The following GRIK2 variants were observed in gnomAD, a reference collection of about 807,000 sequenced individuals.
GRIK2 encodes glutamate ionotropic receptor kainate type subunit 2.
In GRIK2, 32 loss-of-function variants were observed where a neutral mutation model predicts 100.3. The ratio of observed to expected loss-of-function variants is 0.32; its 90% CI spans 0.24 to 0.43. The LOEUF (loss-of-function observed/expected upper bound fraction) is 0.43, where lower values mean the gene tolerates loss of function less well. GRIK2 is among the 20% of genes least tolerant of loss of function. The probability of loss-of-function intolerance (pLI) is 1.00; values close to 1 mark genes in which losing one functional copy is unlikely to be tolerated. For missense variants in GRIK2, 843 were observed against 1,114.9 expected, an observed-to-expected ratio of 0.76 and a Z score of 3.47; for synonymous variants, 417 against 389.4, an observed-to-expected ratio of 1.07 and a Z score of -0.83.
intron 10 of GRIK2, among the ~76,000 whole-genome samples, chr6:101,830,586 A>T (rs1782613852): frequency 1.3e-5 from 2 of 152,040 alleles, no homozygotes; most frequent in South Asian, 4.1e-4. Flanking sequence ...AAGACATACA[A>T]GAAGCCAACA....
intron 4 of GRIK2, among the ~76,000 whole-genome samples, chr6:101,650,161 A>G (rs1781719109): frequency 6.6e-6 from 1 of 152,098 alleles, no homozygotes; most frequent in Non-Finnish European, 1.5e-5. Flanking sequence ...AGCACATAGG[A>G]TTTTTCTGAC....
chr6:101,933,588 A>G (rs1162739696), intron 14 of GRIK2, among the ~76,000 whole-genome samples: 1 of 151,852 alleles, frequency 6.6e-6, no homozygotes, highest in Non-Finnish European at 1.5e-5. Context: ...CCAAATGATG[A>G]TTTGATTATT....
chr6:101,718,239 T>A (rs1774205278), intron 7 of GRIK2, among the ~76,000 whole-genome samples: 1 of 151,834 alleles, frequency 6.6e-6, no homozygotes, highest in South Asian at 2.1e-4. Flanking sequence ...GAAATCATAT[T>A]GGCTGTTTTC....
At chr6:101,886,114 G>A (rs902508658) in intron 11 of GRIK2, among the ~76,000 whole-genome samples, 5 of 151,972 alleles carry the variant, frequency 3.3e-5, no homozygotes, top group Non-Finnish European at 7.4e-5. Flanking sequence ...ATCTTTTACT[G>A]TCTCTATAAT....
rs184775830 is a variant in GRIK2 at position 101,676,850 on chromosome 6, A to T, written c.723+46A>T. 3,952 of 1,087,608 alleles carry T rather than the reference A, an allele frequency of 3.6e-3. 16 individuals are homozygous for T. Among genetic ancestry groups the T allele is most frequent in the Non-Finnish European group, 4.7e-3 (3,470 of 734,726 alleles). The allele number at this position is 1,087,608 out of a possible 1,614,324, so 67.4% of individuals were successfully genotyped here. ...ATTCTTGTTTTCTTCATAAACTTGCACTTACAATATGATCTTCTTTTAAAT... is the reference window on the plus strand; with the variant it reads ...ATTCTTGTTTTCTTCATAAACTTGCTCTTACAATATGATCTTCTTTTAAAT... On this transcript the variant is annotated intron_variant, in intron 5 of 16. Coordinates refer to ENST00000369134, the MANE Select transcript of GRIK2 (RefSeq NM_021956.5).
intron 10 of GRIK2, among the ~76,000 whole-genome samples, chr6:101,820,095 T>C (rs1032678461): frequency 1.3e-5 from 2 of 152,228 alleles, no homozygotes; most frequent in Admixed American, 1.3e-4. Flanking sequence ...TACATAGTTT[T>C]GTGAATGCTC....
At chr6:101,742,116 T>G (rs1776069146) in intron 7 of GRIK2, among the ~76,000 whole-genome samples, 1 of 152,246 alleles carries the variant, frequency 6.6e-6, no homozygotes, top group African/African-American at 2.4e-5. Flanking sequence ...TATCAGAATA[T>G]ACTTTTTTCT....
At chr6:101,837,035 T>C (rs1393893829) in intron 10 of GRIK2, among the ~76,000 whole-genome samples, 1 of 152,142 alleles carries the variant, frequency 6.6e-6, no homozygotes, top group East Asian at 1.9e-4. Context: ...AGAAACTCAG[T>C]TCCTTCAGTC....
intron 14 of GRIK2, among the ~76,000 whole-genome samples, chr6:102,027,512 A>G (rs1045739755): frequency 6.6e-6 from 1 of 151,234 alleles, no homozygotes; most frequent in South Asian, 2.1e-4. Context: ...AATATTATGT[A>G]TAACAAAACA....
chr6:101,464,969 C>T (rs1341937055), intron 2 of GRIK2, among the ~76,000 whole-genome samples: 1 of 152,156 alleles, frequency 6.6e-6, no homozygotes, highest in Non-Finnish European at 1.5e-5. Context: ...GATAACAGGA[C>T]TCCTGAGCTC....
At chr6:101,809,668 G>C (rs893692848) in intron 9 of GRIK2, among the ~76,000 whole-genome samples, 4 of 151,990 alleles carry the variant, frequency 2.6e-5, no homozygotes, top group African/African-American at 9.7e-5. Flanking sequence ...TTTTAATGGT[G>C]ATGTTAACTC....
chr6:101,559,371 C>A (rs367764150), intron 2 of GRIK2, among the ~76,000 whole-genome samples: 218 of 152,192 alleles, frequency 1.4e-3, no homozygotes, highest in African/African-American at 5.1e-3. Flanking sequence ...AATCTTGTAA[C>A]AACCTATGTT....
In GRIK2 at chr6:101,604,472, C is replaced by T. The variant is rs112746810; in HGVS notation, c.116-17477C>T. Among the ~76,000 whole-genome samples the T allele has an allele frequency of 1.9e-3, 290 of 151,830 alleles. 2 individuals are homozygous for T. The highest frequency in any genetic ancestry group is 6.5e-3 in the African/African-American group (271 of 41,500). On this transcript the variant is annotated intron_variant, in intron 2 of 16. Coordinates refer to ENST00000369134, the MANE Select transcript of GRIK2 (RefSeq NM_021956.5). ...GACAGAAATAAAGAACAAGGCAAGA[C>T]GATCTATAATTAAGTGATGAATGCC...
chr6:101,968,146 C>A (rs978214887), intron 14 of GRIK2, among the ~76,000 whole-genome samples: 5 of 151,826 alleles, frequency 3.3e-5, no homozygotes, highest in South Asian at 2.1e-4. Context: ...TAAAAAAAAA[C>A]CATGCATCTT....
At chr6:101,613,105 A>G (rs1165165094) in intron 2 of GRIK2, among the ~76,000 whole-genome samples, 1 of 151,772 alleles carries the variant, frequency 6.6e-6, no homozygotes, top group Non-Finnish European at 1.5e-5. Flanking sequence ...TCCAGTGGAG[A>G]TGCATTGTTG....
Position 102,055,335 on chromosome 6 carries a change from C to G in GRIK2, c.2317C>G (p.Pro773Ala), listed in dbSNP as rs745609694. The change falls in exon 16 of 17, where the codon CCA (proline) becomes GCA (alanine). Residue 773 changes from proline to alanine, a missense_variant. Coordinates refer to ENST00000369134, the MANE Select transcript of GRIK2 (RefSeq NM_021956.5). ...GYGVGTPMGSPYRDKITIAIL... is the reference protein window; with the variant it reads ...GYGVGTPMGSAYRDKITIAIL... ...CATAACCTCTCCTTTCTTAGGTTCT[C>G]CATATCGAGACAAAATTACCATAGC... The G allele has an allele frequency of 6.2e-7, 1 of 1,609,056 alleles. No individual in the cohort carries two copies. The highest frequency in any genetic ancestry group is 8.5e-7 in the Non-Finnish European group (1 of 1,175,794).
rs145901820 is a variant in GRIK2, at chr6:101,870,642, G to C, written c.1524+11149G>C. Among the ~76,000 whole-genome samples, 1,220 of 151,700 alleles carry C rather than the reference G, an allele frequency of 8.0e-3. 31 individuals carry two copies. The highest frequency in any genetic ancestry group is 0.028 in the African/African-American group (1,154 of 41,344). On this transcript the variant is annotated intron_variant, in intron 11 of 16. Transcript: ENST00000369134. ...ACCCTTTTTTTCTTTCCACACTAAA[G>C]GAGTGCAATTAACTTTACATTGTAC...
At chr6:101,447,764 A>T (rs1770461617) in intron 2 of GRIK2, among the ~76,000 whole-genome samples, 1 of 151,690 alleles carries the variant, frequency 6.6e-6, no homozygotes, top group African/African-American at 2.4e-5. Context: ...TATTGTTAGA[A>T]AATCCTTCCC....
chr6:101,877,823 A>T (rs1465536059), intron 11 of GRIK2, among the ~76,000 whole-genome samples: 1 of 151,718 alleles, frequency 6.6e-6, no homozygotes, highest in Non-Finnish European at 1.5e-5. Flanking sequence ...ATGTGGAGAG[A>T]TAAACAGTCC....
Sources: gnomAD v4.1 joint callset for allele counts (sites outside exome capture counted in the v4.1 genomes callset) on GRCh38, gnomAD v4.1.1 for gene constraint, MANE v1.5 for transcripts, NCBI Gene and HGNC (gene_info 2026-07-23, HGNC 2026-07-21) for gene names.